Variants in FILIP1L observed in about 807,000 individuals in gnomAD.
FILIP1L encodes the protein filamin A interacting protein 1 like, also known as filamin A-interacting protein 1-like.
Under a neutral mutation model 96.6 loss-of-function variants are expected in FILIP1L, and 55 were observed. That is an observed-to-expected ratio of 0.57 (90% CI 0.46 to 0.71). The LOEUF is 0.71. FILIP1L is among the 30% of genes least tolerant of loss of function. The probability of loss-of-function intolerance (pLI) is 0.00; values close to 1 mark genes in which losing one functional copy is unlikely to be tolerated. For missense variants in FILIP1L, 1,304 were observed against 1,321.2 expected, an observed-to-expected ratio of 0.99 and a Z score of 0.20; for synonymous variants, 467 against 473.9, an observed-to-expected ratio of 0.99 and a Z score of 0.19.
intron 1 of FILIP1L, among the ~76,000 whole-genome samples, chr3:100,082,084 G>A (rs2107407032): frequency 6.6e-6 from 1 of 152,182 alleles, no homozygotes; most frequent in African/African-American, 2.4e-5. Context: ...GAAAATACTG[G>A]CATGTTCCTA....
At chr3:100,014,895 C>CTTTTTTTTTTTTTT (rs1233573719) in intron 1 of FILIP1L, among the ~76,000 whole-genome samples, 2 of 25,006 alleles carry the variant, frequency 8.0e-5, no homozygotes, top group African/African-American at 1.8e-4. Flanking sequence ...TTCTTTCTTT[C>CTTTTTTTTTTTTTT]TTTTTTTTTT....
At chr3:99,959,907 C>T (rs1708443272) in intron 1 of FILIP1L, among the ~76,000 whole-genome samples, 1 of 152,168 alleles carries the variant, frequency 6.6e-6, no homozygotes, top group Non-Finnish European at 1.5e-5. Context: ...TCAGACCACT[C>T]CCATTGTACA....
intron 4 of FILIP1L, among the ~76,000 whole-genome samples, chr3:99,912,064 A>G (rs1706807081): frequency 6.6e-6 from 1 of 152,234 alleles, no homozygotes; most frequent in Non-Finnish European, 1.5e-5. Context: ...CTCATGAGAA[A>G]TCTACATTAT....
At chr3:99,884,338 A>T (rs1403622572) in intron 4 of FILIP1L, among the ~76,000 whole-genome samples, 1 of 152,220 alleles carries the variant, frequency 6.6e-6, no homozygotes, top group Admixed American at 6.5e-5. Flanking sequence ...CATGGAAAAG[A>T]TCACTTAAAA....
At chr3:100,078,440 C>A (rs2107395786) in intron 1 of FILIP1L, among the ~76,000 whole-genome samples, 1 of 152,162 alleles carries the variant, frequency 6.6e-6, no homozygotes, top group Admixed American at 6.5e-5. Flanking sequence ...CATAGCAAAC[C>A]ACTCCAAAAT....
At chr3:99,944,292 A>G (rs1413291059) in intron 1 of FILIP1L, among the ~76,000 whole-genome samples, 3 of 152,322 alleles carry the variant, frequency 2.0e-5, no homozygotes, top group East Asian at 1.9e-4. Flanking sequence ...GAGAGGTGAT[A>G]GGGAACTATG....
intron 4 of FILIP1L, among the ~76,000 whole-genome samples, chr3:99,886,604 A>G (rs1281440233): frequency 6.6e-6 from 1 of 152,160 alleles, no homozygotes; most frequent in Non-Finnish European, 1.5e-5. Context: ...AAGGCCCAAA[A>G]AAAAATTAAC....
chr3:99,936,275 A>T (rs1384825130), intron 1 of FILIP1L, among the ~76,000 whole-genome samples: 1 of 151,250 alleles, frequency 6.6e-6, no homozygotes, highest in African/African-American at 2.4e-5. Flanking sequence ...GGTAGCTAAC[A>T]TGTATTCATT....
intron 4 of FILIP1L, among the ~76,000 whole-genome samples, chr3:99,903,236 G>T (rs1706494869): frequency 6.6e-6 from 1 of 151,548 alleles, no homozygotes. Flanking sequence ...ATACATGTGT[G>T]TATATGTATA....
intron 1 of FILIP1L, among the ~76,000 whole-genome samples, chr3:100,027,976 G>A (rs1289611390): frequency 6.6e-6 from 1 of 152,134 alleles, no homozygotes; most frequent in African/African-American, 2.4e-5. Flanking sequence ...CTGTTGTTAG[G>A]TCCAATGGGA....
chr3:99,850,693 G>A lies in FILIP1L; in HGVS notation c.983C>T (p.Ala328Val). ...SQNRQLQQKLAALSRQIDELE... is the reference protein window; with the variant it reads ...SQNRQLQQKLVALSRQIDELE... ...CTCATCAATCTGCCGGCTGAGTGCT[G>A]CCAGCTTTTGTTGAAGCTGGCGATT... The change falls in exon 5 of 6, where the codon GCA becomes GTA. Residue 328 changes from alanine (A) to valine (V), a missense_variant. Ala to Val is a moderately conservative substitution (Grantham distance 64, BLOSUM62 0). Transcript: ENST00000477258. 6.2e-7 allele frequency: 1 copy of A among 1,614,080 alleles called. No individual in the cohort carries two copies. The highest frequency in any genetic ancestry group is 8.5e-7 in the Non-Finnish European group (1 of 1,180,022).
chr3:99,996,186 C>T (rs980987778), intron 1 of FILIP1L, among the ~76,000 whole-genome samples: 3 of 152,230 alleles, frequency 2.0e-5, no homozygotes, highest in Admixed American at 2.0e-4. Flanking sequence ...AAATTTCTTC[C>T]ACCAGATACC....
intron 4 of FILIP1L, among the ~76,000 whole-genome samples, chr3:99,902,367 A>G (rs1034692733): frequency 1.3e-5 from 2 of 152,184 alleles, no homozygotes; most frequent in African/African-American, 4.8e-5. Context: ...CAGATATTCA[A>G]CTCATTCTCA....
At chr3:99,903,703 C>T (rs1204659407) in intron 4 of FILIP1L, among the ~76,000 whole-genome samples, 2 of 152,152 alleles carry the variant, frequency 1.3e-5, no homozygotes, top group Non-Finnish European at 2.9e-5. Flanking sequence ...GGACCCTACA[C>T]AACATCCTTG....
chr3:99,979,317 A>T (rs1435296780), intron 1 of FILIP1L, among the ~76,000 whole-genome samples: 4 of 152,150 alleles, frequency 2.6e-5, no homozygotes, highest in African/African-American at 9.7e-5. Context: ...TTCTTTTGGG[A>T]AACACTAAAA....
At position 99,887,428 on chromosome 3, in the gene FILIP1L, C is replaced by A. The variant is rs1376152224; in HGVS notation, c.606-36358G>T. ...TAGTCATTGGTTGGCTCTCATGGAG[C>A]AGAGCTGGGCCTCTGCAGGCAATTG... On this transcript the variant is annotated intron_variant, in intron 4 of 5. Coordinates refer to ENST00000477258, the MANE Select transcript of FILIP1L (RefSeq NM_001387850.1). Among the ~76,000 whole-genome samples the A allele has an allele frequency of 3.9e-5, 6 of 152,160 alleles. No individual in the cohort carries two copies. The East Asian group carries it at 1.2e-3, about 29-fold the overall frequency.
At chr3:100,013,617 C>A (rs762604100) in intron 1 of FILIP1L, among the ~76,000 whole-genome samples, 4 of 152,186 alleles carry the variant, frequency 2.6e-5, no homozygotes, top group East Asian at 1.9e-4. Context: ...AAATGAATGA[C>A]CATATTCATT....
intron 1 of FILIP1L, among the ~76,000 whole-genome samples, chr3:100,006,247 A>G (rs116583983): frequency 1.3e-5 from 2 of 152,016 alleles, no homozygotes; most frequent in Admixed American, 6.6e-5. Flanking sequence ...CCAGCCCTCA[A>G]CTGATCTTTG....
chr3:99,832,481 T>C (rs62283523), intron 5 of FILIP1L, among the ~76,000 whole-genome samples: 101,727 of 139,192 alleles, frequency 0.73, 37,843 homozygotes, highest in African/African-American at 0.87. Flanking sequence ...CCGCCCGCCT[T>C]GGCCTCCCAA....
Sources: allele counts gnomAD v4.1 joint callset (sites outside exome capture counted in the v4.1 genomes callset), GRCh38; gene constraint gnomAD v4.1.1; transcripts MANE v1.5; gene names NCBI Gene and HGNC (gene_info 2026-07-23, HGNC 2026-07-21).